UPP2: variants seen among roughly 807,000 people sequenced by gnomAD.
The protein encoded by UPP2 is UPase 2.
In UPP2, 23 loss-of-function variants were observed where a neutral mutation model predicts 26.7. That is an observed-to-expected ratio of 0.86 (90% CI 0.62 to 1.22). UPP2 has a LOEUF of 1.22. Among genes scored for constraint, UPP2 ranks in the 50% most tolerant of loss-of-function variants. The pLI is 0.00. For synonymous variants in UPP2, 127 were observed against 141.3 expected, an observed-to-expected ratio of 0.90 and a Z score of 0.72; for missense variants, 387 against 396.7, an observed-to-expected ratio of 0.98 and a Z score of 0.21.
intron 4 of UPP2, among the ~76,000 whole-genome samples, chr2:158,119,487 C>T (rs2105225799): frequency 6.6e-6 from 1 of 152,148 alleles, no homozygotes; most frequent in East Asian, 1.9e-4. Flanking sequence ...TATTGTCGCT[C>T]ACATGATCCC....
At chr2:158,120,736 T>G (rs2105226785) in intron 4 of UPP2, among the ~76,000 whole-genome samples, 1 of 152,168 alleles carries the variant, frequency 6.6e-6, no homozygotes, top group Middle Eastern at 3.4e-3. Flanking sequence ...ATTTGTTTGC[T>G]TCCCTTCTGT....
chr2:158,101,080 G>C (rs1015641208), upstream of UPP2, among the ~76,000 whole-genome samples: 4 of 152,160 alleles, frequency 2.6e-5, no homozygotes, highest in African/African-American at 9.7e-5. Flanking sequence ...GGCATTTATA[G>C]ACATTTTAGG....
intron 3 of UPP2, among the ~76,000 whole-genome samples, chr2:158,031,869 G>C (rs778260725): frequency 1.3e-5 from 2 of 152,096 alleles, no homozygotes. Context: ...CAATTTCCTC[G>C]TGTTTTAAAA....
chr2:158,032,299 C>T lies in UPP2; in HGVS notation c.147+16413C>T, dbSNP rs571300103. ...ATCCTGTCACCAGAAATGTTCATGG[C>T]GAGACTGGGGAAACATCTTTCAGGG... On this transcript the variant is annotated intron_variant, in intron 3 of 9. Coordinates refer to the UPP2 transcript ENST00000605860. 9.9e-5 allele frequency among the ~76,000 whole-genome samples: 15 copies of T among 152,074 alleles called. No homozygotes were observed. The South Asian group carries it at 1.2e-3, about 13-fold the overall frequency.
intron 3 of UPP2, among the ~76,000 whole-genome samples, chr2:158,090,953 T>G (rs1406219538): frequency 1.3e-5 from 2 of 152,302 alleles, no homozygotes; most frequent in East Asian, 3.9e-4. Flanking sequence ...TGGGAAACTC[T>G]GTACCTTCAG....
intron 3 of UPP2, among the ~76,000 whole-genome samples, chr2:158,116,678 A>G (rs1162513932): frequency 6.6e-6 from 1 of 152,230 alleles, no homozygotes; most frequent in Non-Finnish European, 1.5e-5. Context: ...AACTTACTAA[A>G]TGTCTGAACT....
chr2:158,070,189 T>C (rs573959694), intron 3 of UPP2, among the ~76,000 whole-genome samples: 1 of 152,304 alleles, frequency 6.6e-6, no homozygotes, highest in Admixed American at 6.5e-5. Context: ...AATTAACAAC[T>C]CTTTATATTA....
intron 2 of UPP2, among the ~76,000 whole-genome samples, chr2:158,106,981 T>C (rs1466465575): frequency 6.6e-6 from 1 of 152,238 alleles, no homozygotes; most frequent in Non-Finnish European, 1.5e-5. Flanking sequence ...CATTTCTCCA[T>C]ATTATTACAT....
intron 6 of UPP2, among the ~76,000 whole-genome samples, chr2:158,128,928 A>T (rs1683749144): frequency 6.6e-6 from 1 of 152,094 alleles, no homozygotes; most frequent in African/African-American, 2.4e-5. Context: ...TTGCCAAGAA[A>T]ATCAGTCATT....
chr2:158,079,219 C>T (rs1010057055), intron 3 of UPP2, among the ~76,000 whole-genome samples: 1 of 152,056 alleles, frequency 6.6e-6, no homozygotes, highest in African/African-American at 2.4e-5. Context: ...TTCTTCATAG[C>T]AGCATGAGAA....
At chr2:158,056,902 C>A (rs1682254369) in intron 3 of UPP2, among the ~76,000 whole-genome samples, 1 of 152,074 alleles carries the variant, frequency 6.6e-6, no homozygotes, top group Non-Finnish European at 1.5e-5. Context: ...TCCAAGACAC[C>A]ACATTATGTC....
chr2:158,099,499 T>G (rs1472535793), upstream of UPP2, among the ~76,000 whole-genome samples: 1 of 152,058 alleles, frequency 6.6e-6, no homozygotes, highest in Non-Finnish European at 1.5e-5. Flanking sequence ...GAGGCTAGTG[T>G]GTGTGTGCAT....
At position 158,055,477 on chromosome 2, in the gene UPP2, A is replaced by C. The variant is rs574122664; in HGVS notation, c.147+39591A>C. Among the ~76,000 whole-genome samples the C allele has an allele frequency of 2.6e-5, 4 of 151,518 alleles. No homozygotes were observed. In the South Asian group the frequency reaches 8.4e-4, roughly 32 times the overall value. ...CCTCACAGAAGTGAAATAATACAGT[A>C]TTTTTTTTTGTGACTGGCTTGTTCA... On this transcript the variant is annotated intron_variant, in intron 3 of 9. Transcript: ENST00000605860.
At chr2:158,020,078 T>A (rs1323216836) in intron 3 of UPP2, among the ~76,000 whole-genome samples, 1 of 152,262 alleles carries the variant, frequency 6.6e-6, no homozygotes, top group Non-Finnish European at 1.5e-5. Context: ...AGGCCCAGAC[T>A]TGCTCTGTTA....
intron 3 of UPP2, among the ~76,000 whole-genome samples, chr2:158,058,771 C>T (rs1000779931): frequency 6.3e-5 from 8 of 127,654 alleles, no homozygotes; most frequent in East Asian, 1.9e-4. Flanking sequence ...TTTGAGGGAA[C>T]GAACCCTGGT....
At chr2:158,052,529 G>A (rs1682176475) in intron 3 of UPP2, among the ~76,000 whole-genome samples, 1 of 152,168 alleles carries the variant, frequency 6.6e-6, no homozygotes, top group African/African-American at 2.4e-5. Context: ...ACCAACAGTA[G>A]CCATTCATTA....
intron 2 of UPP2, 68 bp downstream of exon 2, chr2:158,106,284 C>A: frequency 7.3e-7 from 1 of 1,368,700 alleles, no homozygotes; most frequent in South Asian, 1.2e-5. Context: ...CTTACCTTGC[C>A]AAAATAATCT....
intron 3 of UPP2, among the ~76,000 whole-genome samples, chr2:158,058,341 A>G (rs1223361257): frequency 7.0e-6 from 1 of 143,570 alleles, no homozygotes. Flanking sequence ...GAAGAAGAAG[A>G]GACGCAAGGG....
At chr2:158,015,827 A>G (rs1287748698) in exon 3 of UPP2, 1 of 453,300 alleles carries the variant, frequency 2.2e-6, no homozygotes, top group South Asian at 1.6e-5. Flanking sequence ...TTCAACTTCC[A>G]CCATGATTGT....
Sources: gnomAD v4.1 joint callset for allele counts (sites outside exome capture counted in the v4.1 genomes callset) on GRCh38, gnomAD v4.1.1 for gene constraint, MANE v1.5 for transcripts, NCBI Gene and HGNC (gene_info 2026-07-23, HGNC 2026-07-21) for gene names.